The following ERGIC3 variants were observed in gnomAD, a reference collection of about 807,000 sequenced individuals.
ERGIC3 encodes the protein ERGIC and golgi 3, also known as endoplasmic reticulum-Golgi intermediate compartment protein 3.
Under a neutral mutation model 54.7 loss-of-function variants are expected in ERGIC3, and 33 were observed. The observed-to-expected ratio is 0.60, with a 90% CI of 0.46 to 0.81. The LOEUF (loss-of-function observed/expected upper bound fraction) is 0.81. ERGIC3 is among the 30% of genes least tolerant of loss of function. The pLI is 0.00. For missense variants in ERGIC3, 399 were observed against 488.4 expected, an observed-to-expected ratio of 0.82 and a Z score of 1.73; for synonymous variants, 186 against 189.8, an observed-to-expected ratio of 0.98 and a Z score of 0.16.
At chr20:35,547,317 T>C (rs1369606714) in intron 4 of ERGIC3, 95 bp from the exon 5 acceptor site, 1 of 886,944 alleles carries the variant, frequency 1.1e-6, no homozygotes, top group Non-Finnish European at 1.9e-6. Context: ...ATTATAACTT[T>C]TATTATCCCT....
At chr20:35,554,387 G>A in intron 7 of ERGIC3, 1 of 1,614,208 alleles carries the variant, frequency 6.2e-7, no homozygotes. Context: ...GCTGTGGAGA[G>A]TAAGTGGCCC....
intron 5 of ERGIC3, among the ~76,000 whole-genome samples, chr20:35,548,158 C>G (rs1169942281): frequency 6.6e-6 from 1 of 152,102 alleles, no homozygotes; most frequent in East Asian, 1.9e-4. Context: ...GTCATCGCCT[C>G]AAACAGAATG....
chr20:35,552,968 C>G (rs57305186), intron 7 of ERGIC3, among the ~76,000 whole-genome samples: 1 of 138,986 alleles, frequency 7.2e-6, no homozygotes, highest in Admixed American at 7.9e-5. Flanking sequence ...ATATCGATAT[C>G]TAGGTGACTG....
At chr20:35,547,378 C>T in intron 4 of ERGIC3, 34 bp from the exon 5 acceptor site, 1 of 1,572,926 alleles carries the variant, frequency 6.4e-7, no homozygotes, top group Non-Finnish European at 8.8e-7. Flanking sequence ...GTGTCTGGCC[C>T]CAGCTGATGC....
Position 35,547,409 on chromosome 20 carries a change from T to TA in ERGIC3, c.368-2dup. 2.5e-6 allele frequency: 4 copies of TA among 1,613,868 alleles called. No individual in the cohort carries two copies. The highest frequency in any genetic ancestry group is 3.4e-6 in the Non-Finnish European group (4 of 1,179,802). On this transcript the variant is annotated splice_region_variant and splice_polypyrimidine_tract_variant and intron_variant, in intron 4 of 12. Coordinates refer to ENST00000348547, the MANE Select transcript of ERGIC3 (RefSeq NM_015966.3). ...GATGCCTCTGCTTCTCCCCTCCCCT[T>TA]AGAGCTTGGGAAAGTCGAGGTGACG...
chr20:35,556,125 C>G lies in ERGIC3; in HGVS notation c.810C>G (p.Pro270=), dbSNP rs747400288. The G allele has an allele frequency of 1.2e-6, 2 of 1,614,186 alleles. No homozygotes were observed. Among genetic ancestry groups the G allele is most frequent in the South Asian group, 1.1e-5 (1 of 91,086 alleles). Residue 270 remains proline (P), a synonymous_variant, in exon 9 of 13, where the codon CCC becomes CCG. Transcript: ENST00000348547. ...NPLDHTNVTA[P]QASMMFQYFV... ...TGGACCACACCAATGTCACTGCGCCCCAAGGTACCAGCCCGGGAGGCAGCC... is the reference window on the plus strand; with the variant it reads ...TGGACCACACCAATGTCACTGCGCCGCAAGGTACCAGCCCGGGAGGCAGCC...
intron 7 of ERGIC3, among the ~76,000 whole-genome samples, chr20:35,551,154 C>CA (rs1263914112): frequency 3.3e-5 from 5 of 151,738 alleles, no homozygotes; most frequent in Non-Finnish European, 7.4e-5. Flanking sequence ...ATCAGCCGGG[C>CA]GTAGCGGCGT....
At chr20:35,543,713 G>A in intron 4 of ERGIC3, 3 of 470,938 alleles carry the variant, frequency 6.4e-6, no homozygotes, top group South Asian at 4.6e-5. Flanking sequence ...GACTGGATGT[G>A]GAGTGGAGGA....
intron 10 of ERGIC3, chr20:35,556,566 C>T: frequency 2.0e-6 from 1 of 512,000 alleles, no homozygotes; most frequent in Non-Finnish European, 3.5e-6. Context: ...GGGGGTTAGG[C>T]AAGGCAAGTC....
At chr20:35,542,772 C>T (rs1455295044) in intron 3 of ERGIC3, 50 bp from the exon 4 acceptor site, 2 of 1,613,714 alleles carry the variant, frequency 1.2e-6, no homozygotes, top group Non-Finnish European at 1.7e-6. Context: ...AAACCCACAT[C>T]CCCTTGTCCC....
Position 35,548,594 on chromosome 20 carries a change from C to G in ERGIC3, c.547C>G (p.Arg183Gly). The change falls in exon 6 of 13, where the codon CGG becomes GGG. Residue 183 changes from arginine to glycine, a missense_variant. Physicochemically the swap from Arg to Gly is moderately radical, Grantham distance 125 (BLOSUM62 -2). Transcript: ENST00000348547. ...GAACCCAGATACTATTGAGCAGTGC[C>G]GGCGAGAGGGCTTCAGCCAGAAGAT... ...FKNPDTIEQCRREGFSQKMQE... is the reference protein window; with the variant it reads ...FKNPDTIEQCGREGFSQKMQE... The G allele has an allele frequency of 2.5e-6, 4 of 1,614,184 alleles. No homozygotes were observed. The highest frequency in any genetic ancestry group is 2.5e-6 in the Non-Finnish European group (3 of 1,180,026).
In ERGIC3 at chr20:35,556,975, A is replaced by G. The variant is rs8825; in HGVS notation, c.882A>G (p.Val294=). The part of the protein sequence containing the change: ...PTVYMKVDGE[V]LRTNQFSVTR... ...CCCAGGCTCCCCTCCCACCCCAGGT[A>G]CTGAGGACAAATCAGTTCTCTGTGA... The change falls in exon 11 of 13, where the codon GTA becomes GTG. Residue 294 remains valine, a splice_region_variant and synonymous_variant. Transcript: ENST00000348547. 0.097 allele frequency: 156,062 copies of G among 1,613,928 alleles called. 9,836 individuals are homozygous for G. Among genetic ancestry groups the G allele is most frequent in the African/African-American group, 0.28 (20,897 of 74,998 alleles).
At chr20:35,548,312 A>G (rs2064661946) in intron 5 of ERGIC3, among the ~76,000 whole-genome samples, 197 bp from the exon 6 acceptor site, 1 of 152,154 alleles carries the variant, frequency 6.6e-6, no homozygotes, top group African/African-American at 2.4e-5. Context: ...CCCTATCTCT[A>G]AAAAAATTTT....
chr20:35,549,780 G>A (rs558304256), intron 7 of ERGIC3: 3 of 153,016 alleles, frequency 2.0e-5, no homozygotes, highest in South Asian at 2.1e-4. Flanking sequence ...GGGTGTACAG[G>A]TGCGTGCCAC....
chr20:35,555,270 T>G (rs1309096556), intron 8 of ERGIC3, among the ~76,000 whole-genome samples, 195 bp downstream of exon 8: 2 of 151,752 alleles, frequency 1.3e-5, no homozygotes, highest in Middle Eastern at 3.2e-3. Flanking sequence ...GGGGCAAGAT[T>G]GGGGTTGGAT....
chr20:35,545,674 A>G (rs756294081), intron 4 of ERGIC3, among the ~76,000 whole-genome samples: 1 of 152,210 alleles, frequency 6.6e-6, no homozygotes, highest in Admixed American at 6.5e-5. Context: ...AGCCTTACTC[A>G]TTGTGGGAGA....
chr20:35,542,605 G>A lies in ERGIC3; in HGVS notation c.247+5G>A. ...TTCCGCACATGCCTTGTGCCTGTGA[G>A]TACCTCACCATGGGTGGGACTGGAG... is the stretch of plus-strand genomic sequence containing the variant. On this transcript the variant is annotated splice_donor_5th_base_variant and intron_variant, in intron 3 of 12. Transcript: ENST00000348547. 6.2e-7 allele frequency: 1 copy of A among 1,613,954 alleles called. No homozygotes were observed. The highest frequency in any genetic ancestry group is 8.5e-7 in the Non-Finnish European group (1 of 1,179,974).
chr20:35,547,116 A>G (rs2064652797), intron 4 of ERGIC3: 1 of 272,588 alleles, frequency 3.7e-6, no homozygotes, highest in Non-Finnish European at 7.1e-6. Context: ...AGGGATAATT[A>G]CCGCCACCCT....
rs141438822 is a variant in ERGIC3 at position 35,553,020 on chromosome 20, A to ATTTTTTTTT, written c.686-2004_686-1996dup. On this transcript the variant is annotated intron_variant, in intron 7 of 12. Coordinates refer to ENST00000348547, the MANE Select transcript of ERGIC3 (RefSeq NM_015966.3). ...TTTGCCCTGAGCTTCAAAGCTGGGG[A>ATTTTTTTTT]TTTTTTTTTTTTTTTTTTTTTTTTT... Among the ~76,000 whole-genome samples, 88 of 41,560 alleles carry ATTTTTTTTT rather than the reference A, an allele frequency of 2.1e-3. 28 individuals are homozygous for ATTTTTTTTT. Among genetic ancestry groups the ATTTTTTTTT allele is most frequent in the East Asian group, 3.5e-3 (4 of 1,150 alleles). The allele number at this position is 41,560 out of a possible 152,430, so 27.3% of individuals were successfully genotyped here.
Sources: gnomAD v4.1 joint callset for allele counts (sites outside exome capture counted in the v4.1 genomes callset) on GRCh38, gnomAD v4.1.1 for gene constraint, MANE v1.5 for transcripts, NCBI Gene and HGNC (gene_info 2026-07-23, HGNC 2026-07-21) for gene names.